ELAVL2: variants seen among roughly 807,000 people sequenced by gnomAD.
ELAVL2 encodes ELAV-like protein 2.
In ELAVL2, 4 loss-of-function variants were observed where a neutral mutation model predicts 34.6. The observed-to-expected ratio is 0.12, with a 90% CI of 0.06 to 0.26. The LOEUF (loss-of-function observed/expected upper bound fraction) is 0.26. Ranked by LOEUF, ELAVL2 falls within the 10% of genes least tolerant of loss-of-function variation. The pLI is 1.00. For missense variants in ELAVL2, 432 were observed against 442.8 expected (o/e 0.98, Z 0.22); for synonymous variants, 193 against 154.8 (o/e 1.25, Z -1.83).
intron 1 of ELAVL2, among the ~76,000 whole-genome samples, chr9:23,775,691 C>T (rs573138106): frequency 4.6e-5 from 7 of 152,212 alleles, no homozygotes; most frequent in East Asian, 1.9e-4. Context: ...CTGACTTGAC[C>T]GAGCTCCTAC....
chr9:23,737,566 A>G (rs2048189917), intron 2 of ELAVL2, among the ~76,000 whole-genome samples: 1 of 152,212 alleles, frequency 6.6e-6, no homozygotes, highest in African/African-American at 2.4e-5. Flanking sequence ...TGTTGAAAGT[A>G]CTTTTTCACT....
At chr9:23,822,464 C>T (rs1004885795) in intron 1 of ELAVL2, among the ~76,000 whole-genome samples, 1 of 152,158 alleles carries the variant, frequency 6.6e-6, no homozygotes, top group Non-Finnish European at 1.5e-5. Flanking sequence ...CGCCCCCCAA[C>T]TCAAGACCCG....
chr9:23,836,289 C>G, the ELAVL2 span, among the ~76,000 whole-genome samples: 1 of 152,158 alleles, frequency 6.6e-6, no homozygotes, highest in African/African-American at 2.4e-5. Context: ...AATGGCATTA[C>G]AGACTGTTTA....
At chr9:23,793,639 G>C (rs898061554) in intron 1 of ELAVL2, among the ~76,000 whole-genome samples, 3 of 152,118 alleles carry the variant, frequency 2.0e-5, no homozygotes, top group Non-Finnish European at 2.9e-5. Flanking sequence ...ATGAGAGCCT[G>C]AGCTTCGTAA....
intron 1 of ELAVL2, among the ~76,000 whole-genome samples, chr9:23,797,573 A>AT (rs146149770): frequency 6.6e-6 from 1 of 152,258 alleles, no homozygotes; most frequent in Non-Finnish European, 1.5e-5. Flanking sequence ...CTGAGAGGAG[A>AT]TTTTTTAAAG....
At chr9:23,766,907 A>C (rs2056388994) in intron 1 of ELAVL2, among the ~76,000 whole-genome samples, 1 of 152,176 alleles carries the variant, frequency 6.6e-6, no homozygotes, top group African/African-American at 2.4e-5. Context: ...AAGAAAAAAA[A>C]GGCCATATTC....
Position 23,775,524 on chromosome 9 carries a change from C to T in ELAVL2, c.-15-13275G>A, listed in dbSNP as rs145244111. On this transcript the variant is annotated intron_variant, in intron 1 of 6. Coordinates refer to ENST00000397312, the MANE Select transcript of ELAVL2 (RefSeq NM_004432.5). ...ATCTAGAGCTTCCTAGCTGATCTCT[C>T]TATTTCCAGGCTTGCCCCTTTCTCC... Among the ~76,000 whole-genome samples the T allele has an allele frequency of 7.2e-5, 11 of 152,322 alleles. No individual in the cohort carries two copies. In the East Asian group the frequency reaches 2.1e-3, roughly 29 times the overall value.
At chr9:23,693,874 C>A (rs1429060388) in intron 5 of ELAVL2, among the ~76,000 whole-genome samples, 1 of 152,156 alleles carries the variant, frequency 6.6e-6, no homozygotes, top group African/African-American at 2.4e-5. Flanking sequence ...CCTGCAGATA[C>A]CTAAGGCACA....
At chr9:23,740,143 A>G (rs2048822922) in intron 2 of ELAVL2, among the ~76,000 whole-genome samples, 1 of 152,190 alleles carries the variant, frequency 6.6e-6, no homozygotes, top group Non-Finnish European at 1.5e-5. Context: ...AGTATGAAAA[A>G]GTCAGTAAGT....
intron 4 of ELAVL2, among the ~76,000 whole-genome samples, chr9:23,702,789 C>T (rs1322576859): frequency 2.0e-5 from 3 of 151,628 alleles, no homozygotes; most frequent in Non-Finnish European, 4.4e-5. Context: ...TGCAGGGTTT[C>T]ATTTTTCATT....
upstream of ELAVL2, chr9:23,826,273 G>T (rs1003739431): frequency 6.6e-6 from 1 of 152,372 alleles, no homozygotes; most frequent in African/African-American, 2.4e-5. Context: ...CAGATTTATA[G>T]CACCGTATCA....
chr9:23,746,992 T>C (rs192121091), intron 2 of ELAVL2, among the ~76,000 whole-genome samples: 94 of 152,202 alleles, frequency 6.2e-4, no homozygotes, highest in African/African-American at 2.2e-3. Context: ...CTTCACAGTA[T>C]GACAATTCCC....
chr9:23,721,216 G>C (rs1020338271), intron 3 of ELAVL2, among the ~76,000 whole-genome samples: 1 of 152,180 alleles, frequency 6.6e-6, no homozygotes, highest in Non-Finnish European at 1.5e-5. Context: ...CTCATCCAAA[G>C]ATATTTCCAA....
chr9:23,750,665 G>A (rs2051730248), intron 2 of ELAVL2, among the ~76,000 whole-genome samples: 1 of 152,136 alleles, frequency 6.6e-6, no homozygotes, highest in Non-Finnish European at 1.5e-5. Flanking sequence ...TTGTCTACAT[G>A]AGAAGATGTC....
At chr9:23,765,136 GA>G (rs1458645482) in intron 1 of ELAVL2, 1 of 1,550,296 alleles carries the variant, frequency 6.5e-7, no homozygotes, top group African/African-American at 1.4e-5. Context: ...TATGTTAGAT[GA>G]GCAAGATAAT....
the ELAVL2 span, among the ~76,000 whole-genome samples, chr9:23,850,335 C>T: frequency 6.6e-6 from 1 of 151,258 alleles, no homozygotes; most frequent in African/African-American, 2.4e-5. Flanking sequence ...AGTTCACTAG[C>T]CCTGCCACAG....
rs899486085 is a variant in ELAVL2, at chr9:23,752,615, T to C, written c.229+9391A>G. Among the ~76,000 whole-genome samples the C allele has an allele frequency of 5.3e-5, 8 of 152,044 alleles. No homozygotes were observed. The South Asian group carries it at 1.5e-3, about 28-fold the overall frequency. ...GATTACAGGCACCCAGCACCAAGTCTAGCTAATTTTTGTATTTTTAGTAGA... is the reference window on the plus strand; with the variant it reads ...GATTACAGGCACCCAGCACCAAGTCCAGCTAATTTTTGTATTTTTAGTAGA... On this transcript the variant is annotated intron_variant, in intron 2 of 6. Transcript: ENST00000397312.
chr9:23,694,685 A>G (rs1425010938), intron 5 of ELAVL2, among the ~76,000 whole-genome samples: 1 of 152,242 alleles, frequency 6.6e-6, no homozygotes. Context: ...GTAAAAGCCA[A>G]AACACATCTC....
intron 5 of ELAVL2, among the ~76,000 whole-genome samples, chr9:23,696,705 C>T (rs577350966): frequency 2.6e-5 from 4 of 152,052 alleles, no homozygotes; most frequent in African/African-American, 4.8e-5. Context: ...CTCCTGACCT[C>T]GTGATCCACC....
Sources: allele counts gnomAD v4.1 joint callset (sites outside exome capture counted in the v4.1 genomes callset), GRCh38; gene constraint gnomAD v4.1.1; transcripts MANE v1.5; gene names NCBI Gene and HGNC (gene_info 2026-07-23, HGNC 2026-07-21).